CENPE: variants seen among roughly 807,000 people sequenced by gnomAD.
CENPE encodes the protein centromere-associated protein E.
Under a neutral mutation model 336.1 loss-of-function variants are expected in CENPE, and 145 were observed. That is an observed-to-expected ratio of 0.43 (90% CI 0.38 to 0.50). The LOEUF is 0.50. Among genes scored for constraint, CENPE ranks in the 20% least tolerant of loss-of-function variants. The pLI, the probability that CENPE is intolerant of heterozygous loss-of-function variation, is 0.00. For missense variants in CENPE, 2,719 were observed against 3,023.3 expected, an observed-to-expected ratio of 0.90 and a Z score of 2.36; for synonymous variants, 1,013 against 984.8, an observed-to-expected ratio of 1.03 and a Z score of -0.54.
chr4:103,151,194 C>A, intron 26 of CENPE, 25 bp downstream of exon 26: 1 of 1,569,912 alleles, frequency 6.4e-7, no homozygotes, highest in East Asian at 2.3e-5. Context: ...AAAAAATGGC[C>A]AGGGAAATAA....
intron 38 of CENPE, among the ~76,000 whole-genome samples, chr4:103,139,490 A>G (rs945138466): frequency 6.6e-6 from 1 of 152,138 alleles, no homozygotes; most frequent in African/African-American, 2.4e-5. Flanking sequence ...TCCTTCAAAT[A>G]TTTCTCCATT....
intron 2 of CENPE, 67 bp downstream of exon 2, chr4:103,196,692 A>T (rs1436230576): frequency 2.6e-6 from 2 of 755,314 alleles, no homozygotes; most frequent in African/African-American, 3.5e-5. Flanking sequence ...AATATTATTG[A>T]TAAGCCTTTT....
chr4:103,154,693 G>A (rs1753829016), intron 24 of CENPE, among the ~76,000 whole-genome samples: 1 of 151,778 alleles, frequency 6.6e-6, no homozygotes, highest in Non-Finnish European at 1.5e-5. Context: ...CAGCCTAGAA[G>A]GTACTTCAAC....
At position 103,146,023 on chromosome 4, in the gene CENPE, C is replaced by A. The variant is rs1440432920; in HGVS notation, c.4219G>T (p.Glu1407Ter). 3.7e-6 allele frequency: 6 copies of A among 1,613,770 alleles called. No homozygotes were observed. In the Admixed American group the frequency reaches 5.0e-5, roughly 13 times the overall value. The change falls in exon 30 of 49, where the codon GAG becomes TAG. Residue 1407 changes from glutamate (E) to a stop codon, truncating the protein, a stop_gained. Transcript: ENST00000265148. LOFTEE classifies it high-confidence loss of function. The stretch of plus-strand genomic sequence containing the variant: ...GCTGAATCTTTGGGTTTGAATTGCT[C>A]CATCTCACTCACGATTTTGGTAGTT... ...NETTKIVSEM[E>*]QFKPKDSALL...
Position 103,108,981 on chromosome 4 carries a change from C to T in CENPE, c.7833G>A (p.Val2611=). 6.2e-7 allele frequency: 1 copy of T among 1,613,768 alleles called. No homozygotes were observed. Among genetic ancestry groups the T allele is most frequent in the Non-Finnish European group, 8.5e-7 (1 of 1,179,794 alleles). The part of the protein sequence containing the change: ...TCENSPKSPK[V]TGTASKKKQI... ...GTTTCTTTTTAGAAGCTGTTCCAGTCACTTTAGGAGACTTTGGAGAATTCT... is the reference window on the plus strand; with the variant it reads ...GTTTCTTTTTAGAAGCTGTTCCAGTTACTTTAGGAGACTTTGGAGAATTCT... The change falls in exon 48 of 49, where the codon GTG becomes GTA. Residue 2611 remains valine (V), a synonymous_variant. Transcript: ENST00000265148.
chr4:103,132,659 A>T (rs1751689765), intron 42 of CENPE, 34 bp downstream of exon 42: 1 of 1,144,080 alleles, frequency 8.7e-7, no homozygotes, highest in African/African-American at 1.6e-5. Flanking sequence ...GCAAACAGCA[A>T]CAAAAAAGTA....
chr4:103,110,464 T>C (rs1749299016), intron 47 of CENPE, among the ~76,000 whole-genome samples: 1 of 152,172 alleles, frequency 6.6e-6, no homozygotes, highest in African/African-American at 2.4e-5. Context: ...GAATAATTTG[T>C]TAGATCTGTT....
At position 103,174,837 on chromosome 4, in the gene CENPE, G is replaced by C. The variant is rs755806251; in HGVS notation, c.1546C>G (p.Gln516Glu). 5.2e-6 allele frequency: 8 copies of C among 1,540,636 alleles called. No individual in the cohort carries two copies. The highest frequency in any genetic ancestry group is 1.2e-5 in the South Asian group (1 of 80,390). ...ATTTCTTCTTTTTCTGTTCGTAGTT[G>C]TTCATAGTCTAATACCAGATTATCA... ...DYDNLVLDYE[Q>E]LRTEKEEMEL... Residue 516 changes from glutamine to glutamate, a missense_variant, in exon 16 of 49, where the codon CAA (glutamine) becomes GAA (glutamate). This residue lies in a region of CENPE where 2,437 missense variants were observed against 2,513.3 expected (regional missense o/e 0.97). Coordinates refer to ENST00000265148, the MANE Select transcript of CENPE (RefSeq NM_001813.3).
At chr4:103,173,699 C>G (rs1056778016) in intron 16 of CENPE, among the ~76,000 whole-genome samples, 13 of 151,786 alleles carry the variant, frequency 8.6e-5, no homozygotes, top group Non-Finnish European at 1.6e-4. Flanking sequence ...AAAAAACCCC[C>G]AAACAACCCA....
rs768253576 is a variant in CENPE at position 103,159,131 on chromosome 4, A to G, written c.2480T>C (p.Met827Thr). ...CATCTTATACTTTTGCTCAAAGTCC[A>G]TATGAAGGGTTTTGAAATTTTGGAA... ...QEFQNFKTLH[M>T]DFEQKYKMVL... Residue 827 changes from methionine to threonine, a missense_variant, in exon 22 of 49, where the codon ATG becomes ACG. Physicochemically the swap from Met to Thr is moderately conservative, Grantham distance 81. Around this residue, in one of 5 missense-constraint regions of CENPE, gnomAD observed 2,437 missense variants for 2,513.3 expected, o/e 0.97. Transcript: ENST00000265148. 4 of 1,608,940 alleles carry G rather than the reference A, an allele frequency of 2.5e-6. No individual in the cohort carries two copies. The Admixed American group carries it at 5.1e-5, about 20-fold the overall frequency.
chr4:103,143,483 G>C (rs1752739427), intron 33 of CENPE, 77 bp from the exon 34 acceptor site: 5 of 985,754 alleles, frequency 5.1e-6, no homozygotes, highest in Non-Finnish European at 7.7e-6. Flanking sequence ...TAGGGCAGGA[G>C]GTAAAAATCT....
intron 24 of CENPE, 92 bp from the exon 25 acceptor site, chr4:103,153,342 CAGGTACTATTCTCATATCTTA>C: frequency 1.3e-6 from 1 of 761,340 alleles, no homozygotes; most frequent in Non-Finnish European, 2.1e-6. Context: ...TATTATGTGC[CAGGTACTATTCTCATATCTTA>C]ACACATTTAA....
chr4:103,140,331 T>G lies in CENPE; in HGVS notation c.5838A>C (p.Lys1946Asn). The part of the protein sequence containing the change: ...HKETVDKLRE[K>N]ISEKTIQISD... ...AAATTTGAATTGTCTTTTCTGAAAT[T>G]TTTTCTCTAAGTTTATCAACAGTTT... Residue 1946 changes from lysine (K) to asparagine (N), a missense_variant, in exon 37 of 49, where the codon AAA becomes AAC. By Grantham distance (94) the Lys-to-Asn change is moderately conservative (BLOSUM62 0). Around this residue, in one of 5 missense-constraint regions of CENPE, gnomAD observed 2,437 missense variants for 2,513.3 expected, o/e 0.97. Coordinates refer to ENST00000265148, the MANE Select transcript of CENPE (RefSeq NM_001813.3). The G allele has an allele frequency of 6.2e-7, 1 of 1,607,048 alleles. No individual in the cohort carries two copies. The highest frequency in any genetic ancestry group is 1.7e-4 in the Middle Eastern group (1 of 6,014).
intron 45 of CENPE, among the ~76,000 whole-genome samples, chr4:103,115,157 A>C (rs1297651445): frequency 6.7e-6 from 1 of 148,360 alleles, no homozygotes; most frequent in Non-Finnish European, 1.5e-5. Flanking sequence ...TTTTGAGACG[A>C]AGTCTTGGTC....
At chr4:103,165,091 T>C (rs1389174380) in intron 16 of CENPE, among the ~76,000 whole-genome samples, 1 of 149,472 alleles carries the variant, frequency 6.7e-6, no homozygotes, top group Non-Finnish European at 1.5e-5. Flanking sequence ...TAATTAGCTT[T>C]TATAAAAATA....
chr4:103,160,018 G>C (rs1313409579), intron 21 of CENPE, among the ~76,000 whole-genome samples: 1 of 151,728 alleles, frequency 6.6e-6, no homozygotes, highest in African/African-American at 2.4e-5. Context: ...TTATGAGTTT[G>C]ATAATGGGTT....
chr4:103,148,462 GA>G (rs1166469289), intron 28 of CENPE, among the ~76,000 whole-genome samples: 3 of 152,152 alleles, frequency 2.0e-5, no homozygotes, highest in Non-Finnish European at 2.9e-5. Flanking sequence ...ATAATGGGGG[GA>G]AAGAACAATG....
At position 103,120,312 on chromosome 4, in the gene CENPE, A is replaced by C; in HGVS notation, c.7165T>G (p.Ser2389Ala). The C allele has an allele frequency of 6.2e-7, 1 of 1,607,664 alleles. No individual in the cohort carries two copies. The highest frequency in any genetic ancestry group is 8.5e-7 in the Non-Finnish European group (1 of 1,178,598). Reference sequence around the variant, plus strand: ...GCACTTTCTTTAGCTTCATGCAGTGAATTTTCCAGCTCTCGAATTTTCTAT... The same window carrying C: ...GCACTTTCTTTAGCTTCATGCAGTGCATTTTCCAGCTCTCGAATTTTCTAT... Reference protein sequence around the residue: ...TTEKIRELENSLHEAKESAMH... With the variant: ...TTEKIRELENALHEAKESAMH... Residue 2389 changes from serine to alanine, a missense_variant, in exon 44 of 49, where the codon TCA (serine) becomes GCA (alanine). This residue lies in a region of CENPE where 2,437 missense variants were observed against 2,513.3 expected (regional missense o/e 0.97). Transcript: ENST00000265148.
At chr4:103,112,398 T>C (rs1382530982) in intron 46 of CENPE, among the ~76,000 whole-genome samples, 2 of 143,154 alleles carry the variant, frequency 1.4e-5, no homozygotes, top group Non-Finnish European at 3.0e-5. Flanking sequence ...CGCACAAATA[T>C]ACACTTACAT....
Sources: allele counts gnomAD v4.1 joint callset (sites outside exome capture counted in the v4.1 genomes callset), GRCh38; gene constraint gnomAD v4.1.1; regional missense constraint gnomAD v4.1.1; transcripts MANE v1.5; gene names NCBI Gene and HGNC (gene_info 2026-07-23, HGNC 2026-07-21).